The following NRG3 variants were observed in gnomAD, a reference collection of about 807,000 sequenced individuals.
The protein encoded by NRG3 is neuregulin 3.
In NRG3, 31 loss-of-function variants were observed where a neutral mutation model predicts 66.9. The ratio of observed to expected loss-of-function variants is 0.46; its 90% CI spans 0.35 to 0.63. The LOEUF (loss-of-function observed/expected upper bound fraction) is 0.63. NRG3 is among the 20% of genes least tolerant of loss of function. NRG3 has a pLI of 0.00. For synonymous variants in NRG3, 393 were observed against 359.4 expected, an observed-to-expected ratio of 1.09 and a Z score of -1.06; for missense variants, 910 against 878.9, an observed-to-expected ratio of 1.04 and a Z score of -0.45.
chr10:82,170,302 A>G (rs1033359368), intron 1 of NRG3, among the ~76,000 whole-genome samples: 1 of 152,046 alleles, frequency 6.6e-6, no homozygotes, highest in African/African-American at 2.4e-5. Flanking sequence ...ACAGAGTACT[A>G]CTGTCCAAAA....
intron 1 of NRG3, among the ~76,000 whole-genome samples, chr10:82,276,544 A>G (rs2078856135): frequency 1.3e-5 from 2 of 152,228 alleles, no homozygotes; most frequent in African/African-American, 2.4e-5. Context: ...TCACAAAGAA[A>G]TGAAACACAG....
chr10:82,200,706 C>A (rs1299615187), intron 1 of NRG3, among the ~76,000 whole-genome samples: 1 of 152,104 alleles, frequency 6.6e-6, no homozygotes, highest in Non-Finnish European at 1.5e-5. Context: ...AAGAATCAGG[C>A]CTGTTACTCT....
intron 2 of NRG3, among the ~76,000 whole-genome samples, chr10:82,615,267 T>C (rs1266737355): frequency 6.6e-6 from 1 of 152,114 alleles, no homozygotes; most frequent in African/African-American, 2.4e-5. Flanking sequence ...ATATGTTATC[T>C]GATTATAAAA....
chr10:82,779,069 A>G (rs979112057), intron 3 of NRG3, among the ~76,000 whole-genome samples: 1 of 152,110 alleles, frequency 6.6e-6, no homozygotes, highest in Non-Finnish European at 1.5e-5. Flanking sequence ...GGCATACTCT[A>G]TCAAGGGCTC....
chr10:82,195,063 A>T (rs1424108742), intron 1 of NRG3, among the ~76,000 whole-genome samples: 1 of 151,944 alleles, frequency 6.6e-6, no homozygotes, highest in Non-Finnish European at 1.5e-5. Context: ...TCCTTCCTAG[A>T]TGTAGGTGGA....
At chr10:82,371,395 A>G (rs2084883724) in intron 2 of NRG3, among the ~76,000 whole-genome samples, 1 of 152,164 alleles carries the variant, frequency 6.6e-6, no homozygotes, top group African/African-American at 2.4e-5. Flanking sequence ...GTTCTATTTT[A>G]TGTACACTCA....
In NRG3 at chr10:82,020,222, A is replaced by C. The variant is rs375814187; in HGVS notation, c.823+144059A>C. 2.0e-5 allele frequency among the ~76,000 whole-genome samples: 3 copies of C among 152,286 alleles called. No individual in the cohort carries two copies. In the South Asian group the frequency reaches 6.2e-4, roughly 32 times the overall value. On this transcript the variant is annotated intron_variant, in intron 1 of 8. Transcript: ENST00000372141. ...ACTGTGTCAATCAGAACAGAGCCAA[A>C]GATGTGGCTTGCAATTTACTTTAAG...
chr10:82,149,140 G>T (rs1310232465), intron 1 of NRG3, among the ~76,000 whole-genome samples: 1 of 151,860 alleles, frequency 6.6e-6, no homozygotes, highest in South Asian at 2.1e-4. Context: ...CAGTTGCCTA[G>T]ATTTGACCCC....
intron 1 of NRG3, among the ~76,000 whole-genome samples, chr10:82,114,878 A>C (rs2067609570): frequency 6.6e-6 from 1 of 152,100 alleles, no homozygotes; most frequent in Non-Finnish European, 1.5e-5. Context: ...CCTTCATACA[A>C]CGCAAGTACT....
At chr10:82,370,949 AAC>A (rs145443212) in intron 2 of NRG3, among the ~76,000 whole-genome samples, 17,130 of 146,302 alleles carry the variant, frequency 0.12, 1,890 homozygotes, top group African/African-American at 0.29. Flanking sequence ...CCACCTTACA[AAC>A]ACACACACAC....
intron 1 of NRG3, among the ~76,000 whole-genome samples, chr10:82,144,861 G>A (rs2070128733): frequency 6.6e-6 from 1 of 152,192 alleles, no homozygotes; most frequent in Non-Finnish European, 1.5e-5. Flanking sequence ...CTGAAGATCA[G>A]TTGTAATGCT....
intron 4 of NRG3, among the ~76,000 whole-genome samples, chr10:82,928,948 A>G (rs1847287539): frequency 6.6e-6 from 1 of 152,128 alleles, no homozygotes; most frequent in Admixed American, 6.5e-5. Flanking sequence ...ACCGAATTGC[A>G]TGGGAGTCCC....
chr10:82,530,883 G>T (rs1255234077), intron 2 of NRG3, among the ~76,000 whole-genome samples: 1 of 151,770 alleles, frequency 6.6e-6, no homozygotes, highest in Non-Finnish European at 1.5e-5. Flanking sequence ...AAGGCCTAGA[G>T]TTTTGCAGTA....
rs5786531 is a variant in NRG3 at position 82,110,604 on chromosome 10, G to GT, written c.823+234450dup. Among the ~76,000 whole-genome samples, 338 of 151,580 alleles carry GT rather than the reference G, an allele frequency of 2.2e-3. 1 individual carries two copies. The highest frequency in any genetic ancestry group is 7.8e-3 in the African/African-American group (322 of 41,314). ...AGGAAAGTAGTCAGATATTAATATAGTTTTTTTTTAATAAGTGAGATTTTG... is the reference window on the plus strand; with the variant it reads ...AGGAAAGTAGTCAGATATTAATATAGTTTTTTTTTTAATAAGTGAGATTTTG... On this transcript the variant is annotated intron_variant, in intron 1 of 8. Coordinates refer to ENST00000372141, the MANE Select transcript of NRG3 (RefSeq NM_001010848.4).
chr10:82,434,784 A>G (rs942604703), intron 2 of NRG3, among the ~76,000 whole-genome samples: 36 of 152,168 alleles, frequency 2.4e-4, no homozygotes, highest in African/African-American at 8.4e-4. Context: ...TTTGTGTCCC[A>G]GAGGTGAAGC....
chr10:82,700,137 T>C (rs2246386), intron 2 of NRG3, among the ~76,000 whole-genome samples: 137,814 of 152,064 alleles, frequency 0.91, 62,535 homozygotes, highest in East Asian at 1. Context: ...ACAGACATTG[T>C]GAGTGAAAAT....
At chr10:81,877,965 A>G in intron 1 of NRG3, 1 of 1,537,722 alleles carries the variant, frequency 6.5e-7, no homozygotes, top group Non-Finnish European at 8.7e-7. Flanking sequence ...AGAATAATGG[A>G]GTGTGGTATA....
At chr10:82,355,715 A>C (rs1437532607) in intron 1 of NRG3, among the ~76,000 whole-genome samples, 3 of 152,182 alleles carry the variant, frequency 2.0e-5, no homozygotes, top group Non-Finnish European at 4.4e-5. Flanking sequence ...GATGACTTTC[A>C]AGAATAAAAT....
intron 6 of NRG3, among the ~76,000 whole-genome samples, chr10:82,970,870 A>C (rs967197541): frequency 6.6e-6 from 1 of 152,188 alleles, no homozygotes; most frequent in Non-Finnish European, 1.5e-5. Context: ...GAGTTCATTC[A>C]TATCTTCTTG....
Sources: allele counts gnomAD v4.1 joint callset (sites outside exome capture counted in the v4.1 genomes callset), GRCh38; gene constraint gnomAD v4.1.1; transcripts MANE v1.5; gene names NCBI Gene and HGNC (gene_info 2026-07-23, HGNC 2026-07-21).